The following EXPH5 variants were observed in gnomAD, a reference collection of about 807,000 sequenced individuals.
The protein encoded by EXPH5 is exophilin 5, also known as exophilin-5.
Under a neutral mutation model 41.1 loss-of-function variants are expected in EXPH5, and 42 were observed. The ratio of observed to expected loss-of-function variants is 1.02; its 90% CI spans 0.80 to 1.32. The LOEUF is 1.32. Ranked by LOEUF, EXPH5 falls within the 40% of genes most tolerant of loss-of-function variation. The pLI is 0.00. For synonymous variants in EXPH5, 798 were observed against 833.5 expected, an observed-to-expected ratio of 0.96 and a Z score of 0.73; for missense variants, 2,298 against 2,314.5, an observed-to-expected ratio of 0.99 and a Z score of 0.15.
At chr11:108,551,659 T>G (rs1337114886) in intron 1 of EXPH5, among the ~76,000 whole-genome samples, 1 of 152,046 alleles carries the variant, frequency 6.6e-6, no homozygotes, top group Admixed American at 6.6e-5. Context: ...CACCCCAATC[T>G]CTGTCAACCC....
intron 1 of EXPH5, among the ~76,000 whole-genome samples, chr11:108,590,851 CTG>C (rs1165698390): frequency 6.6e-6 from 1 of 152,184 alleles, no homozygotes; most frequent in Admixed American, 6.5e-5. Context: ...CATGGTCTCT[CTG>C]TGTTGGTCAG....
intron 3 of EXPH5, among the ~76,000 whole-genome samples, chr11:108,537,063 T>C (rs2093884467): frequency 6.6e-6 from 1 of 152,092 alleles, no homozygotes; most frequent in South Asian, 2.1e-4. Flanking sequence ...ATTTTGCAGA[T>C]TGATTTTCTA....
rs564482292 is a variant in EXPH5 at position 108,576,682 on chromosome 11, T to G, written c.119+16736A>C. The stretch of plus-strand genomic sequence containing the variant: ...AAGAATACAATGTGTAATGATCAAA[T>G]ATGAGTAAGTAAGATATCCATTGCC... On this transcript the variant is annotated intron_variant, in intron 1 of 5. Transcript: ENST00000265843. Among the ~76,000 whole-genome samples, 4 of 152,358 alleles carry G rather than the reference T, an allele frequency of 2.6e-5. No homozygotes were observed. In the East Asian group the frequency reaches 7.7e-4, roughly 29 times the overall value.
rs139655098 is a variant in EXPH5, at chr11:108,539,036, A to G, written c.431T>C (p.Leu144Pro). Residue 144 changes from leucine to proline, a missense_variant, in exon 3 of 6, where the codon CTG (leucine) becomes CCG (proline). Coordinates refer to ENST00000265843, the MANE Select transcript of EXPH5 (RefSeq NM_015065.3). ...GAGTTTAACTCACCCTTTCTGTCCC[A>G]GTGATGGAAGCTTTGAAGTCTCCTT... ...SGKETSKLPS[L>P]GQKGCDGHAG... 4.4e-6 allele frequency: 7 copies of G among 1,595,586 alleles called. No homozygotes were observed. The African/African-American group carries it at 9.4e-5, about 22-fold the overall frequency.
At chr11:108,516,644 G>C (rs2093728620) in intron 5 of EXPH5, among the ~76,000 whole-genome samples, 1 of 152,168 alleles carries the variant, frequency 6.6e-6, no homozygotes, top group African/African-American at 2.4e-5. Context: ...TAGGGCAGAT[G>C]CTAAAGGGAT....
At chr11:108,586,171 A>T (rs1312798124) in intron 1 of EXPH5, among the ~76,000 whole-genome samples, 1 of 151,902 alleles carries the variant, frequency 6.6e-6, no homozygotes, top group African/African-American at 2.4e-5. Flanking sequence ...CCTGGCCAAC[A>T]TGGCGAAACC....
Position 108,510,718 on chromosome 11 carries a change from C to A in EXPH5, c.4789G>T (p.Ala1597Ser). 5.0e-6 allele frequency: 8 copies of A among 1,614,182 alleles called. No individual in the cohort carries two copies. The highest frequency in any genetic ancestry group is 6.8e-6 in the Non-Finnish European group (8 of 1,180,016). Residue 1597 changes from alanine (A) to serine (S), a missense_variant, in exon 6 of 6, where the codon GCC becomes TCC. By Grantham distance (99) the Ala-to-Ser change is moderately conservative. Coordinates refer to ENST00000265843, the MANE Select transcript of EXPH5 (RefSeq NM_015065.3). ...AATTTTCTGCTGGCTTTAGACATGG[C>A]TGCCAATCTGTGTTTAACTGAAGAT... is the stretch of plus-strand genomic sequence containing the variant. The part of the protein sequence containing the change: ...NRSSVKHRLA[A>S]MSKASRKFPA...
At chr11:108,578,715 C>T (rs1481327552) in intron 1 of EXPH5, among the ~76,000 whole-genome samples, 1 of 152,042 alleles carries the variant, frequency 6.6e-6, no homozygotes. Flanking sequence ...CTATCATCAG[C>T]GTTTTATAGT....
At chr11:108,590,308 A>C (rs1004492426) in intron 1 of EXPH5, among the ~76,000 whole-genome samples, 9 of 152,036 alleles carry the variant, frequency 5.9e-5, no homozygotes, top group Non-Finnish European at 1.0e-4. Context: ...ACATTTTCCC[A>C]TCTGTTATGT....
chr11:108,550,030 C>T (rs2093956234), intron 1 of EXPH5, among the ~76,000 whole-genome samples: 1 of 152,146 alleles, frequency 6.6e-6, no homozygotes, highest in African/African-American at 2.4e-5. Flanking sequence ...ACCAAGGAAG[C>T]AAAACAGAAA....
chr11:108,535,941 A>G (rs1234692780), intron 3 of EXPH5, among the ~76,000 whole-genome samples: 3 of 152,314 alleles, frequency 2.0e-5, no homozygotes, highest in East Asian at 3.9e-4. Context: ...TGCCCTGTGG[A>G]AGGCATTTGT....
chr11:108,596,985 G>C (rs1192439405), upstream of EXPH5, among the ~76,000 whole-genome samples: 1 of 152,098 alleles, frequency 6.6e-6, no homozygotes, highest in East Asian at 1.9e-4. Flanking sequence ...TTTTGCCCAG[G>C]CTCTCAGCTA....
chr11:108,584,725 C>T (rs2094108577), intron 1 of EXPH5, among the ~76,000 whole-genome samples: 1 of 152,068 alleles, frequency 6.6e-6, no homozygotes, highest in African/African-American at 2.4e-5. Flanking sequence ...TAAAATGAAC[C>T]TCAATCTAAA....
Position 108,509,626 on chromosome 11 carries a change from C to T in EXPH5, c.5881G>A (p.Asp1961Asn). The stretch of plus-strand genomic sequence containing the variant: ...TCACAATCTGAGTCCACTGGGTCAT[C>T]CTCATAGATATTAAGCGGTTCACTT... ...SPSEPLNIYE[D>N]DPVDSDCDTD... Residue 1961 changes from aspartate to asparagine, a missense_variant, in exon 6 of 6, where the codon GAT becomes AAT. Physicochemically the swap from Asp to Asn is conservative, Grantham distance 23 (BLOSUM62 1). Coordinates refer to ENST00000265843, the MANE Select transcript of EXPH5 (RefSeq NM_015065.3). 1 of 1,612,538 alleles carries T rather than the reference C, an allele frequency of 6.2e-7. No homozygotes were observed. Among genetic ancestry groups the T allele is most frequent in the African/African-American group, 1.3e-5 (1 of 74,946 alleles).
chr11:108,597,924 C>T (rs1280086106), upstream of EXPH5, among the ~76,000 whole-genome samples: 2 of 152,232 alleles, frequency 1.3e-5, no homozygotes, highest in East Asian at 1.9e-4. Context: ...GGAATGTCTA[C>T]TATCCATTGG....
In EXPH5 at chr11:108,513,558, G is replaced by A. The variant is rs201940214; in HGVS notation, c.1949C>T (p.Thr650Ile). Residue 650 changes from threonine to isoleucine, a missense_variant, in exon 6 of 6, where the codon ACA becomes ATA. Thr to Ile is a moderately conservative substitution (Grantham distance 89). Coordinates refer to ENST00000265843, the MANE Select transcript of EXPH5 (RefSeq NM_015065.3). The part of the protein sequence containing the change: ...NPQSPNLQNP[T>I]VTLQKIFPNK... ...TGGAAAAATTTTCTGCAAAGTGACTGTGGGATTCTGCAAGTTGGGACTCTG... is the reference window on the plus strand; with the variant it reads ...TGGAAAAATTTTCTGCAAAGTGACTATGGGATTCTGCAAGTTGGGACTCTG... 51 of 1,614,110 alleles carry A rather than the reference G, an allele frequency of 3.2e-5. No individual in the cohort carries two copies. The African/African-American group carries it at 5.5e-4, about 17-fold the overall frequency.
At chr11:108,557,817 G>A (rs1279584027) in intron 1 of EXPH5, among the ~76,000 whole-genome samples, 1 of 152,202 alleles carries the variant, frequency 6.6e-6, no homozygotes, top group African/African-American at 2.4e-5. Context: ...TATGGACTCA[G>A]TTAGCTCTTG....
rs551207287 is a variant in EXPH5 at position 108,538,568 on chromosome 11, C to T, written c.443+456G>A. On this transcript the variant is annotated intron_variant, in intron 3 of 5. Transcript: ENST00000265843. ...CCCTCTGTTTTAGAATTCTATTTTT[C>T]TCTAGTCTCTTTGTTCATCTCACAT... Among the ~76,000 whole-genome samples, 44 of 152,250 alleles carry T rather than the reference C, an allele frequency of 2.9e-4. 1 individual carries two copies. In the South Asian group the frequency reaches 8.7e-3, roughly 30 times the overall value.
At chr11:108,567,907 C>G (rs1428237540) in intron 1 of EXPH5, 1 of 152,232 alleles carries the variant, frequency 6.6e-6, no homozygotes, top group African/African-American at 2.4e-5. Context: ...TCCTGGCACA[C>G]AGCAGCTTAC....
Sources: allele counts gnomAD v4.1 joint callset (sites outside exome capture counted in the v4.1 genomes callset), GRCh38; gene constraint gnomAD v4.1.1; transcripts MANE v1.5; gene names NCBI Gene and HGNC (gene_info 2026-07-23, HGNC 2026-07-21).